The following PCDHA10 variants were observed in gnomAD, a reference collection of about 807,000 sequenced individuals.
PCDHA10 encodes the protein protocadherin alpha-10.
In PCDHA10, 45 loss-of-function variants were observed where a neutral mutation model predicts 61.2. That is an observed-to-expected ratio of 0.74 (90% CI 0.58 to 0.94). The LOEUF is 0.94. Ranked by LOEUF, PCDHA10 falls within the 40% of genes least tolerant of loss-of-function variation. The pLI, the probability that PCDHA10 is intolerant of heterozygous loss-of-function variation, is 0.00. For missense variants in PCDHA10, 1,278 were observed against 1,236.2 expected, an observed-to-expected ratio of 1.03 and a Z score of -0.51; for synonymous variants, 602 against 548.8, an observed-to-expected ratio of 1.10 and a Z score of -1.35.
At chr5:140,873,007 C>A (rs1363151505) in intron 1 of PCDHA10, among the ~76,000 whole-genome samples, 1 of 152,206 alleles carries the variant, frequency 6.6e-6, no homozygotes, top group Admixed American at 6.5e-5. Context: ...AGTCATTCTT[C>A]ATATTTAGTT....
intron 1 of PCDHA10, chr5:140,870,165 G>T (rs1223679164): frequency 1.2e-6 from 2 of 1,614,138 alleles, no homozygotes; most frequent in Non-Finnish European, 1.7e-6. Context: ...TGACTTCCTT[G>T]TCCCTCCCAG....
At chr5:140,996,836 C>T (rs1247616398) in intron 3 of PCDHA10, among the ~76,000 whole-genome samples, 43 of 152,096 alleles carry the variant, frequency 2.8e-4, no homozygotes, top group African/African-American at 1.0e-3. Flanking sequence ...AATAATTTAG[C>T]GTGCATCTTC....
chr5:141,000,972 CT>C (rs2097980392), intron 3 of PCDHA10, among the ~76,000 whole-genome samples: 1 of 151,780 alleles, frequency 6.6e-6, no homozygotes, highest in Non-Finnish European at 1.5e-5. Context: ...CTTCATATTC[CT>C]TTTTTATAAA....
At chr5:140,938,205 C>T (rs1435832298) in intron 1 of PCDHA10, among the ~76,000 whole-genome samples, 3 of 152,160 alleles carry the variant, frequency 2.0e-5, no homozygotes, top group Non-Finnish European at 4.4e-5. Context: ...GCCAGCCTCC[C>T]AAAGTGCTGG....
At chr5:140,920,131 T>G (rs1207723509) in intron 1 of PCDHA10, among the ~76,000 whole-genome samples, 1 of 152,202 alleles carries the variant, frequency 6.6e-6, no homozygotes, top group Non-Finnish European at 1.5e-5. Context: ...TGAGTTTTAA[T>G]TCTCCTCTCC....
At chr5:140,967,708 C>A (rs782464741) in intron 1 of PCDHA10, 1 of 1,614,158 alleles carries the variant, frequency 6.2e-7, no homozygotes, top group Admixed American at 1.7e-5. Context: ...ATGCCAGTAC[C>A]GGGGAAGTGC....
intron 3 of PCDHA10, among the ~76,000 whole-genome samples, chr5:140,993,523 CAGAG>C (rs111789518): frequency 3.4e-5 from 5 of 145,668 alleles, no homozygotes; most frequent in South Asian, 2.2e-4. Flanking sequence ...GAGAGAGAGA[CAGAG>C]AGAGAGAGAG....
intron 1 of PCDHA10, among the ~76,000 whole-genome samples, chr5:140,886,288 A>T (rs1227734409): frequency 6.6e-6 from 1 of 151,870 alleles, no homozygotes; most frequent in Non-Finnish European, 1.5e-5. Flanking sequence ...AATTATTTTT[A>T]TATTTATTTA....
At chr5:140,939,262 T>G (rs1371349789) in intron 1 of PCDHA10, among the ~76,000 whole-genome samples, 1 of 152,146 alleles carries the variant, frequency 6.6e-6, no homozygotes, top group Non-Finnish European at 1.5e-5. Context: ...GGAACCTCTT[T>G]TATGAGAGCT....
chr5:140,924,907 A>AAT (rs1554202344), intron 1 of PCDHA10, among the ~76,000 whole-genome samples: 14 of 50,940 alleles, frequency 2.7e-4, no homozygotes, highest in African/African-American at 6.9e-4. Context: ...AAAAAAAAAT[A>AAT]AAATAAAATA....
chr5:140,884,240 G>A (rs139927854), intron 1 of PCDHA10: 5 of 1,613,368 alleles, frequency 3.1e-6, no homozygotes, highest in African/African-American at 1.3e-5. Context: ...CGGTGAGCCC[G>A]CGCTGACGGC....
In PCDHA10 at chr5:141,010,896, A is replaced by G. The variant is rs1433932699; in HGVS notation, c.*959A>G. 6.5e-6 allele frequency: 1 copy of G among 153,790 alleles called. No individual in the cohort carries two copies. The highest frequency in any genetic ancestry group is 1.5e-5 in the Non-Finnish European group (1 of 68,052). The allele number at this position is 153,790 out of a possible 1,614,324, so 9.5% of individuals were successfully genotyped here. A position where few individuals can be genotyped will look rare whatever the true frequency, so the allele number is the denominator to read the frequency against. Reference sequence around the variant, plus strand: ...ATCTTTAAAGAGAAATATGAATACAATTCCCCTAAACTCTCCTCAAAAGAG... The same window carrying G: ...ATCTTTAAAGAGAAATATGAATACAGTTCCCCTAAACTCTCCTCAAAAGAG... On this transcript the variant is annotated 3_prime_UTR_variant, in exon 4 of 4. Coordinates refer to ENST00000307360, the MANE Select transcript of PCDHA10 (RefSeq NM_018901.4).
intron 3 of PCDHA10, among the ~76,000 whole-genome samples, chr5:141,006,727 G>A (rs2098285106): frequency 6.6e-6 from 1 of 152,080 alleles, no homozygotes. Context: ...AGAAATGACA[G>A]GTCTTGATGA....
intron 2 of PCDHA10, among the ~76,000 whole-genome samples, chr5:140,979,418 T>A (rs895579689): frequency 3.3e-5 from 5 of 152,178 alleles, no homozygotes; most frequent in South Asian, 2.1e-4. Flanking sequence ...GTTTTTTTTT[T>A]AATCTCACAT....
At chr5:140,947,780 A>G (rs2094176112) in intron 1 of PCDHA10, among the ~76,000 whole-genome samples, 1 of 151,588 alleles carries the variant, frequency 6.6e-6, no homozygotes, top group Non-Finnish European at 1.5e-5. Flanking sequence ...TTGTAAATGG[A>G]TTTTAAACAG....
chr5:140,978,150 C>T (rs1009630892), intron 1 of PCDHA10, among the ~76,000 whole-genome samples: 2 of 152,286 alleles, frequency 1.3e-5, no homozygotes, highest in South Asian at 4.2e-4. Context: ...TTGTTCTCCC[C>T]CTTCAGACTG....
intron 1 of PCDHA10, chr5:140,928,175 G>A (rs782432136): frequency 6.8e-6 from 11 of 1,614,032 alleles, no homozygotes; most frequent in African/African-American, 1.3e-5. Flanking sequence ...CTTAGCACCC[G>A]AAGGACAATC....
At chr5:140,955,477 C>T (rs1401684156) in intron 1 of PCDHA10, among the ~76,000 whole-genome samples, 2 of 152,128 alleles carry the variant, frequency 1.3e-5, no homozygotes, top group African/African-American at 4.8e-5. Context: ...CTTGGCACCT[C>T]TCCTTCCTGC....
intron 1 of PCDHA10, among the ~76,000 whole-genome samples, chr5:140,971,037 TA>T (rs2096453416): frequency 1.3e-5 from 2 of 152,200 alleles, no homozygotes; most frequent in Admixed American, 6.5e-5. Context: ...TGAAAGCACG[TA>T]AAAGGGTTTA....
Sources: allele counts gnomAD v4.1 joint callset (sites outside exome capture counted in the v4.1 genomes callset), GRCh38; gene constraint gnomAD v4.1.1; transcripts MANE v1.5; gene names NCBI Gene and HGNC (gene_info 2026-07-23, HGNC 2026-07-21).